TNRC6B: variants seen among roughly 807,000 people sequenced by gnomAD.
TNRC6B encodes trinucleotide repeat containing adaptor 6B.
A neutral mutation model predicts 203.6 loss-of-function variants in TNRC6B; 52 were observed. The ratio of observed to expected loss-of-function variants is 0.26; its 90% confidence interval spans 0.20 to 0.32. The LOEUF is 0.32. Ranked by LOEUF, TNRC6B falls within the 10% of genes least tolerant of loss-of-function variation. The pLI is 1.00. For synonymous variants in TNRC6B, 838 were observed against 845.7 expected, an observed-to-expected ratio of 0.99 and a Z score of 0.16; for missense variants, 1,923 against 2,286.2, an observed-to-expected ratio of 0.84 and a Z score of 3.24.
chr22:40,208,835 A>G (rs1569021618), intron 1 of TNRC6B, among the ~76,000 whole-genome samples: 1 of 152,238 alleles, frequency 6.6e-6, no homozygotes, highest in East Asian at 1.9e-4. Flanking sequence ...ACTTATTTTT[A>G]AATGCGTTTT....
At chr22:40,183,595 A>G (rs1451595198) in intron 1 of TNRC6B, among the ~76,000 whole-genome samples, 1 of 152,192 alleles carries the variant, frequency 6.6e-6, no homozygotes. Context: ...AGAGTTTACA[A>G]GGCAAAGGAG....
chr22:40,058,270 T>C (rs943872599), intron 1 of TNRC6B, among the ~76,000 whole-genome samples: 2 of 152,224 alleles, frequency 1.3e-5, no homozygotes, highest in Non-Finnish European at 2.9e-5. Context: ...AAAAGGCTCT[T>C]GGTAGAAATC....
chr22:40,058,530 A>G (rs1228957034), intron 1 of TNRC6B, among the ~76,000 whole-genome samples: 1 of 152,246 alleles, frequency 6.6e-6, no homozygotes, highest in Non-Finnish European at 1.5e-5. Flanking sequence ...TTGGAAGCAG[A>G]CAGTCTCTAG....
chr22:40,228,905 A>G (rs997653242), intron 1 of TNRC6B, among the ~76,000 whole-genome samples: 1 of 152,060 alleles, frequency 6.6e-6, no homozygotes. Context: ...ATGGCATATT[A>G]ATTGTAATGT....
At chr22:40,222,825 T>C (rs2069733097) in intron 1 of TNRC6B, among the ~76,000 whole-genome samples, 1 of 139,614 alleles carries the variant, frequency 7.2e-6, no homozygotes, top group African/African-American at 2.7e-5. Context: ...ACTGCACCCT[T>C]ACCTTTGCCT....
At chr22:40,075,630 A>G (rs1569251838) in intron 1 of TNRC6B, among the ~76,000 whole-genome samples, 1 of 152,088 alleles carries the variant, frequency 6.6e-6, no homozygotes, top group African/African-American at 2.4e-5. Flanking sequence ...CATTTTCAAT[A>G]TGGTTGGGTT....
chr22:40,068,938 G>A (rs896686212), intron 1 of TNRC6B, among the ~76,000 whole-genome samples: 1 of 151,840 alleles, frequency 6.6e-6, no homozygotes, highest in African/African-American at 2.4e-5. Context: ...CTTGAAATTT[G>A]CATTGAAATT....
intron 3 of TNRC6B, among the ~76,000 whole-genome samples, chr22:40,132,400 G>A (rs1018409781): frequency 4.6e-5 from 7 of 151,564 alleles, no homozygotes; most frequent in South Asian, 4.2e-4. Context: ...GGGACGGGAC[G>A]GAGCCAGGAG....
intron 21 of TNRC6B, among the ~76,000 whole-genome samples, chr22:40,316,632 A>G (rs1281606283): frequency 6.6e-6 from 1 of 152,116 alleles, no homozygotes; most frequent in Non-Finnish European, 1.5e-5. Context: ...TTTCTCAAAA[A>G]GGAGAGAGAG....
chr22:40,289,997 G>A (rs893070479), intron 12 of TNRC6B, among the ~76,000 whole-genome samples: 3 of 152,176 alleles, frequency 2.0e-5, no homozygotes, highest in Non-Finnish European at 2.9e-5. Flanking sequence ...ATCCAAAAGC[G>A]GATCCTTTTT....
chr22:40,285,591 A>T, intron 11 of TNRC6B, 54 bp from the exon 12 acceptor site: 1 of 1,584,374 alleles, frequency 6.3e-7, no homozygotes. Context: ...ACTGTTTCTT[A>T]CTTGCATTTT....
chr22:40,058,306 A>G (rs1601789470), intron 1 of TNRC6B, among the ~76,000 whole-genome samples: 1 of 152,374 alleles, frequency 6.6e-6, no homozygotes, highest in South Asian at 2.1e-4. Context: ...ATGAATGAAG[A>G]TGTAAAAGAC....
chr22:40,312,403 G>T (rs138281670), intron 17 of TNRC6B, 102 bp from the exon 18 acceptor site: 1 of 1,177,904 alleles, frequency 8.5e-7, no homozygotes, highest in Non-Finnish European at 1.2e-6. Flanking sequence ...AATAAATTCA[G>T]TATTTATACT....
chr22:40,138,977 T>G (rs1206524132), intron 3 of TNRC6B, among the ~76,000 whole-genome samples: 1 of 152,224 alleles, frequency 6.6e-6, no homozygotes, highest in Non-Finnish European at 1.5e-5. Flanking sequence ...CTTACCCATT[T>G]ATAGTATACA....
intron 4 of TNRC6B, among the ~76,000 whole-genome samples, chr22:40,163,591 G>A (rs901373977): frequency 3.3e-5 from 5 of 151,126 alleles, no homozygotes; most frequent in Non-Finnish European, 5.9e-5. Context: ...GGAGAAACCC[G>A]TCTATACTAA....
chr22:40,301,956 G>C (rs945606452), intron 15 of TNRC6B, among the ~76,000 whole-genome samples: 1 of 152,142 alleles, frequency 6.6e-6, no homozygotes, highest in African/African-American at 2.4e-5. Context: ...ACATGGCTGA[G>C]GTTATGATCT....
intron 1 of TNRC6B, among the ~76,000 whole-genome samples, chr22:40,046,100 T>C (rs1007395194): frequency 6.6e-6 from 1 of 152,194 alleles, no homozygotes; most frequent in East Asian, 1.9e-4. Context: ...TAAGTATATA[T>C]ATAAAGTGTG....
At chr22:40,076,853 C>A (rs1020486712) in intron 1 of TNRC6B, among the ~76,000 whole-genome samples, 1 of 152,122 alleles carries the variant, frequency 6.6e-6, no homozygotes, top group Non-Finnish European at 1.5e-5. Context: ...AAAATATCCA[C>A]ATACCCTGTG....
intron 1 of TNRC6B, among the ~76,000 whole-genome samples, chr22:40,188,102 G>A (rs1217419428): frequency 6.6e-6 from 1 of 152,110 alleles, no homozygotes; most frequent in African/African-American, 2.4e-5. Flanking sequence ...CCAGCCACTT[G>A]GGAGACTGAG....
Sources: allele counts gnomAD v4.1 joint callset (sites outside exome capture counted in the v4.1 genomes callset), GRCh38; gene constraint gnomAD v4.1.1; transcripts MANE v1.5; gene names NCBI Gene and HGNC (gene_info 2026-07-23, HGNC 2026-07-21).